ADAM23: variants seen among roughly 807,000 people sequenced by gnomAD.
The protein encoded by ADAM23 is disintegrin and metalloproteinase domain-containing protein 23.
A neutral mutation model predicts 120.1 loss-of-function variants in ADAM23; 33 were observed. That is an observed-to-expected ratio of 0.27 (90% CI 0.21 to 0.37). The LOEUF is 0.37. Among genes scored for constraint, ADAM23 ranks in the 10% least tolerant of loss-of-function variants. ADAM23 has a pLI of 1.00. For synonymous variants in ADAM23, 367 were observed against 375.2 expected (o/e 0.98, Z 0.25); for missense variants, 862 against 1,058.2 (o/e 0.81, Z 2.57).
rs1310647900 is a variant in ADAM23 at position 206,588,486 on chromosome 2, G to A, written c.1852+332G>A. ...ATTTTGTACCTTGGTTTTAACATTT[G>A]ACCCCCTTTTTTTCCATTAACACAC... On this transcript the variant is annotated intron_variant, in intron 20 of 25. Transcript: ENST00000264377. Among the ~76,000 whole-genome samples the A allele has an allele frequency of 2.6e-5, 4 of 152,236 alleles. No individual in the cohort carries two copies. In the East Asian group the frequency reaches 7.7e-4, roughly 29 times the overall value.
intron 11 of ADAM23, among the ~76,000 whole-genome samples, chr2:206,560,353 T>C (rs184904149): frequency 1.3e-5 from 2 of 151,814 alleles, no homozygotes; most frequent in African/African-American, 4.8e-5. Context: ...CAAGATCAAC[T>C]CACAATCTAG....
intron 21 of ADAM23, among the ~76,000 whole-genome samples, chr2:206,591,697 C>T (rs936791654): frequency 6.6e-6 from 1 of 152,156 alleles, no homozygotes; most frequent in Non-Finnish European, 1.5e-5. Flanking sequence ...CATAGGGGAT[C>T]TTATCATTGT....
chr2:206,580,762 C>T (rs1311409406), intron 18 of ADAM23, among the ~76,000 whole-genome samples: 1 of 152,026 alleles, frequency 6.6e-6, no homozygotes, highest in Non-Finnish European at 1.5e-5. Flanking sequence ...CCTTCTTTCT[C>T]TATCTTGTGG....
chr2:206,508,241 G>T (rs1003490165), intron 3 of ADAM23, among the ~76,000 whole-genome samples: 2 of 152,152 alleles, frequency 1.3e-5, no homozygotes, highest in Non-Finnish European at 1.5e-5. Context: ...GTGTTAGCCA[G>T]GATGGTCTTG....
intron 12 of ADAM23, among the ~76,000 whole-genome samples, chr2:206,561,827 C>T (rs1697773852): frequency 6.6e-6 from 1 of 152,156 alleles, no homozygotes; most frequent in Admixed American, 6.5e-5. Flanking sequence ...TACAATTAGC[C>T]TGGAATAATA....
At chr2:206,454,196 T>C (rs185369350) in intron 2 of ADAM23, among the ~76,000 whole-genome samples, 1 of 152,162 alleles carries the variant, frequency 6.6e-6, no homozygotes, top group East Asian at 1.9e-4. Flanking sequence ...CAGGTCGTAC[T>C]GGAAGCATGG....
At chr2:206,583,884 A>T (rs947227365) in intron 18 of ADAM23, among the ~76,000 whole-genome samples, 2 of 152,036 alleles carry the variant, frequency 1.3e-5, no homozygotes, top group Admixed American at 6.6e-5. Flanking sequence ...CTTGGTTTGG[A>T]TCCCTTGCTG....
At chr2:206,573,314 G>A (rs1336874845) in intron 18 of ADAM23, 119 bp downstream of exon 18, 3 of 957,292 alleles carry the variant, frequency 3.1e-6, no homozygotes, top group South Asian at 1.4e-5. Context: ...TGGAATATTT[G>A]CATATTCATA....
At chr2:206,533,490 A>G (rs547691588) in intron 4 of ADAM23, among the ~76,000 whole-genome samples, 3 of 152,370 alleles carry the variant, frequency 2.0e-5, no homozygotes, top group Admixed American at 2.0e-4. Context: ...GGCGTGAGCC[A>G]CCGTGCCCGG....
rs191239082 is a variant in ADAM23, at chr2:206,529,960, T to G, written c.510-925T>G. Among the ~76,000 whole-genome samples the G allele has an allele frequency of 3.3e-3, 507 of 152,232 alleles. 3 individuals carry two copies. The highest frequency in any genetic ancestry group is 0.011 in the African/African-American group (476 of 41,548). ...CTGTGTAGCTGCGATTACAGGTGCG[T>G]GCCACCACGCGCGGCTAATTTTTGT... On this transcript the variant is annotated intron_variant, in intron 3 of 25. Transcript: ENST00000264377.
At chr2:206,592,558 T>C (rs1322612581) in intron 21 of ADAM23, 59 bp from the exon 22 acceptor site, 10 of 1,573,422 alleles carry the variant, frequency 6.4e-6, no homozygotes, top group African/African-American at 2.7e-5. Context: ...CGAATCGTTT[T>C]GATTTTTTGA....
At chr2:206,480,676 A>G (rs1695878322) in intron 2 of ADAM23, among the ~76,000 whole-genome samples, 1 of 151,998 alleles carries the variant, frequency 6.6e-6, no homozygotes, top group Non-Finnish European at 1.5e-5. Context: ...TAAACATATG[A>G]CTCTTAAAGG....
chr2:206,553,943 A>G (rs1172467161), intron 9 of ADAM23, among the ~76,000 whole-genome samples: 4 of 152,156 alleles, frequency 2.6e-5, no homozygotes, highest in African/African-American at 4.8e-5. Context: ...TTTTTTTTCA[A>G]AAGACAGTTT....
At chr2:206,556,303 A>G (rs1240017759) in intron 9 of ADAM23, among the ~76,000 whole-genome samples, 2 of 152,178 alleles carry the variant, frequency 1.3e-5, no homozygotes, top group Admixed American at 1.3e-4. Context: ...TGTTTAAAAA[A>G]CATAGTCACA....
chr2:206,582,166 C>T (rs1003221338), intron 18 of ADAM23, among the ~76,000 whole-genome samples: 2 of 152,252 alleles, frequency 1.3e-5, no homozygotes, highest in Admixed American at 1.3e-4. Flanking sequence ...GCGTGAGCCA[C>T]CACGCCCGGC....
At chr2:206,574,140 A>G (rs1435917800) in intron 18 of ADAM23, among the ~76,000 whole-genome samples, 2 of 152,170 alleles carry the variant, frequency 1.3e-5, no homozygotes, top group Non-Finnish European at 2.9e-5. Flanking sequence ...CCATATGTCC[A>G]GAGGCACTTC....
intron 24 of ADAM23, among the ~76,000 whole-genome samples, chr2:206,600,097 G>A (rs919613485): frequency 4.6e-5 from 7 of 152,194 alleles, no homozygotes; most frequent in Non-Finnish European, 1.0e-4. Flanking sequence ...AGCTACTCGG[G>A]AGGCTGAGGC....
intron 2 of ADAM23, among the ~76,000 whole-genome samples, chr2:206,464,572 C>CAAA (rs201816820): frequency 1.4e-5 from 2 of 140,360 alleles, no homozygotes; most frequent in Non-Finnish European, 3.1e-5. Context: ...GAGACTGTCT[C>CAAA]AAAAAAAAAA....
At chr2:206,563,566 A>T (rs556684943) in intron 13 of ADAM23, among the ~76,000 whole-genome samples, 1 of 152,276 alleles carries the variant, frequency 6.6e-6, no homozygotes, top group Non-Finnish European at 1.5e-5. Context: ...TAAAACCAGA[A>T]AGGTGTATGA....
Sources: allele counts gnomAD v4.1 joint callset (sites outside exome capture counted in the v4.1 genomes callset), GRCh38; gene constraint gnomAD v4.1.1; transcripts MANE v1.5; gene names NCBI Gene and HGNC (gene_info 2026-07-23, HGNC 2026-07-21).